CREB3L2: variants seen among roughly 807,000 people sequenced by gnomAD.
CREB3L2 encodes the protein cAMP responsive element binding protein 3 like 2.
In CREB3L2, 23 loss-of-function variants were observed where a neutral mutation model predicts 57.2. That is an observed-to-expected ratio of 0.40 (90% CI 0.29 to 0.57). The LOEUF is 0.57. Among genes scored for constraint, CREB3L2 ranks in the 20% least tolerant of loss-of-function variants. CREB3L2 has a pLI of 0.42. For missense variants in CREB3L2, 628 were observed against 634.7 expected (o/e 0.99, Z 0.11); for synonymous variants, 268 against 265.1 (o/e 1.01, Z -0.11).
intron 1 of CREB3L2, among the ~76,000 whole-genome samples, chr7:137,987,154 ATTCAGGGGTAGGAAGT>A: frequency 1.3e-5 from 2 of 152,338 alleles, no homozygotes; most frequent in Non-Finnish European, 2.9e-5. Context: ...AATGAATACC[ATTCAGGGGTAGGAAGT>A]AAAAAGTCAA....
intron 6 of CREB3L2, 69 bp downstream of exon 6, chr7:137,905,633 C>T (rs1799869408): frequency 6.5e-7 from 1 of 1,536,322 alleles, no homozygotes; most frequent in Non-Finnish European, 9.0e-7. Context: ...GTTGGGAAGG[C>T]AGGGAAAGGG....
At chr7:137,895,252 G>T (rs1469073529) in intron 8 of CREB3L2, among the ~76,000 whole-genome samples, 1 of 152,254 alleles carries the variant, frequency 6.6e-6, no homozygotes, top group Admixed American at 6.5e-5. Context: ...CATCCAGAAA[G>T]CTTGCAGCTT....
At chr7:137,997,660 T>C (rs1260304244) in intron 1 of CREB3L2, among the ~76,000 whole-genome samples, 3 of 152,072 alleles carry the variant, frequency 2.0e-5, no homozygotes, top group Non-Finnish European at 2.9e-5. Context: ...CCTGGAAGGT[T>C]AAGCCTGCAG....
At chr7:137,985,348 G>T (rs949767419) in intron 1 of CREB3L2, among the ~76,000 whole-genome samples, 2 of 152,168 alleles carry the variant, frequency 1.3e-5, no homozygotes, top group Admixed American at 1.3e-4. Flanking sequence ...AAGGCTAGAC[G>T]CAGTTCAGGC....
intron 1 of CREB3L2, among the ~76,000 whole-genome samples, chr7:137,962,858 A>G (rs1186512694): frequency 6.6e-6 from 1 of 152,154 alleles, no homozygotes; most frequent in Non-Finnish European, 1.5e-5. Context: ...GTATATATCA[A>G]TAAATGAATT....
intron 8 of CREB3L2, among the ~76,000 whole-genome samples, chr7:137,898,525 T>C (rs1799672548): frequency 6.6e-6 from 1 of 152,244 alleles, no homozygotes; most frequent in Admixed American, 6.5e-5. Flanking sequence ...GGAGAAATGA[T>C]AGAATTCTAT....
intron 4 of CREB3L2, among the ~76,000 whole-genome samples, chr7:137,910,661 A>ACCC (rs1799986479): frequency 6.6e-6 from 1 of 152,082 alleles, no homozygotes; most frequent in African/African-American, 2.4e-5. Flanking sequence ...ACCTAGAGCC[A>ACCC]CCCTGTCCCT....
At chr7:137,909,640 CA>C (rs150626445) in intron 4 of CREB3L2, among the ~76,000 whole-genome samples, 2,506 of 152,320 alleles carry the variant, frequency 0.016, 19 homozygotes, top group African/African-American at 0.021. Flanking sequence ...CGGGAAGCCT[CA>C]GCACATCACC....
intron 1 of CREB3L2, among the ~76,000 whole-genome samples, chr7:137,950,256 A>G (rs1300129370): frequency 6.6e-6 from 1 of 152,158 alleles, no homozygotes; most frequent in Non-Finnish European, 1.5e-5. Flanking sequence ...GTGTTTTCCA[A>G]TGGGATAGCT....
intron 1 of CREB3L2, chr7:137,933,987 T>C (rs1800722623): frequency 1.3e-5 from 2 of 152,266 alleles, no homozygotes; most frequent in Admixed American, 6.5e-5. Context: ...CCTTTCTGGA[T>C]ACTGCAAACG....
chr7:137,899,632 A>G (rs1417133532), intron 8 of CREB3L2, among the ~76,000 whole-genome samples: 1 of 152,204 alleles, frequency 6.6e-6, no homozygotes. Context: ...CAGTGAAACC[A>G]GCTCCCTTGC....
At chr7:137,908,647 A>G (rs975066875) in intron 4 of CREB3L2, among the ~76,000 whole-genome samples, 1 of 152,142 alleles carries the variant, frequency 6.6e-6, no homozygotes, top group Admixed American at 6.5e-5. Flanking sequence ...TGGCAGAAAG[A>G]AACACTGGAA....
chr7:137,959,580 A>G (rs1025291180), intron 1 of CREB3L2, among the ~76,000 whole-genome samples: 3 of 152,204 alleles, frequency 2.0e-5, no homozygotes, highest in African/African-American at 7.2e-5. Context: ...TTGTATGGTG[A>G]TTTGTTATGT....
At position 137,877,777 on chromosome 7, in the gene CREB3L2, C is replaced by CT. The variant is rs1165772113; in HGVS notation, c.*2698dup. On this transcript the variant is annotated 3_prime_UTR_variant, in exon 12 of 12. Coordinates refer to ENST00000330387, the MANE Select transcript of CREB3L2 (RefSeq NM_194071.4). ...AGCTAATCATAAGTTAATGACTAGT[C>CT]TAAGAGGCCACTTGGTGGGGAAAAC... 3 of 228,584 alleles carry CT rather than the reference C, an allele frequency of 1.3e-5. No individual in the cohort carries two copies. The highest frequency in any genetic ancestry group is 6.7e-5 in the African/African-American group (3 of 45,088). 14.2% of individuals were successfully genotyped at this position (228,584 alleles called of 1,614,324 possible). A position where few individuals can be genotyped will look rare whatever the true frequency, so the allele number is the denominator to read the frequency against.
At chr7:137,934,543 T>G (rs547136671) in intron 1 of CREB3L2, among the ~76,000 whole-genome samples, 1 of 152,320 alleles carries the variant, frequency 6.6e-6, no homozygotes, top group Admixed American at 6.5e-5. Flanking sequence ...CTAGCCCATG[T>G]TCAGCCAGTT....
At chr7:138,000,841 T>C (rs1258742788) in intron 1 of CREB3L2, among the ~76,000 whole-genome samples, 1 of 152,180 alleles carries the variant, frequency 6.6e-6, no homozygotes, top group African/African-American at 2.4e-5. Flanking sequence ...AAAAGAAATG[T>C]GCGTGCTCTG....
intron 1 of CREB3L2, among the ~76,000 whole-genome samples, chr7:137,962,762 G>C (rs1004898400): frequency 6.6e-6 from 1 of 152,110 alleles, no homozygotes; most frequent in African/African-American, 2.4e-5. Flanking sequence ...AGTTCCATGG[G>C]GGCCGAACGT....
chr7:137,956,847 T>A (rs1801224357), intron 1 of CREB3L2, among the ~76,000 whole-genome samples: 1 of 152,166 alleles, frequency 6.6e-6, no homozygotes, highest in Non-Finnish European at 1.5e-5. Context: ...TCTGTTCACC[T>A]TTTTCTAGAA....
At chr7:138,001,000 A>C (rs985091625) in intron 1 of CREB3L2, among the ~76,000 whole-genome samples, 3 of 151,730 alleles carry the variant, frequency 2.0e-5, no homozygotes, top group Admixed American at 2.0e-4. Context: ...TCCTCCGAAG[A>C]GGGAGGAAGG....
Sources: allele counts gnomAD v4.1 joint callset (sites outside exome capture counted in the v4.1 genomes callset), GRCh38; gene constraint gnomAD v4.1.1; transcripts MANE v1.5; gene names NCBI Gene and HGNC (gene_info 2026-07-23, HGNC 2026-07-21).